The following ARHGAP20 variants were observed in gnomAD, a reference collection of about 807,000 sequenced individuals.
ARHGAP20 encodes rho GTPase-activating protein 20.
ARHGAP20 carries 34 observed loss-of-function variants against 73.7 expected under a neutral mutation model. The ratio of observed to expected loss-of-function variants is 0.46; its 90% CI spans 0.35 to 0.61. The LOEUF (loss-of-function observed/expected upper bound fraction) is 0.61, where lower values mean the gene tolerates loss of function less well. ARHGAP20 is among the 20% of genes least tolerant of loss of function. The pLI is 0.00. For missense variants in ARHGAP20, 1,314 were observed against 1,420.9 expected, an observed-to-expected ratio of 0.92 and a Z score of 1.21; for synonymous variants, 523 against 518.2, an observed-to-expected ratio of 1.01 and a Z score of -0.13.
At chr11:110,632,272 C>T (rs116897171) in intron 2 of ARHGAP20, among the ~76,000 whole-genome samples, 130 of 152,254 alleles carry the variant, frequency 8.5e-4, no homozygotes, top group Non-Finnish European at 1.6e-3. Flanking sequence ...TTTTCCATAA[C>T]GATGGTACCA....
rs745867511 is a variant in ARHGAP20 at position 110,582,344 on chromosome 11, C to T, written c.1697G>A (p.Cys566Tyr). ...TSLFREVSVRCDTRENASDIS... is the reference protein window; with the variant it reads ...TSLFREVSVRYDTRENASDIS... ...ACCTGAGGCATTCTCTCTAGTGTCA[C>T]ATCTCACTGAAACCTCTCTGAAGAG... Residue 566 changes from cysteine (C) to tyrosine (Y), a missense_variant, in exon 14 of 15, where the codon TGT becomes TAT. By Grantham distance (194) the Cys-to-Tyr change is radical (BLOSUM62 -2). Transcript: ENST00000683387. The T allele has an allele frequency of 1.2e-6, 2 of 1,611,948 alleles. No homozygotes were observed. The highest frequency in any genetic ancestry group is 1.7e-5 in the Admixed American group (1 of 59,990).
rs1211236164 is a variant in ARHGAP20 at position 110,712,109 on chromosome 11, C to G, written c.105+18G>C. On this transcript the variant is annotated intron_variant, in intron 1 of 14. Coordinates refer to ENST00000683387, the MANE Select transcript of ARHGAP20 (RefSeq NM_001384657.1). ...GCTGCGGCGGCGGAGGGCACGGGCC[C>G]CCGCTCAGCGTCCTCACCTTCTTGG... 2.3e-6 allele frequency: 3 copies of G among 1,308,614 alleles called. No homozygotes were observed. In the South Asian group the frequency reaches 8.3e-5, roughly 36 times the overall value. 81.1% of individuals were successfully genotyped at this position (1,308,614 alleles called of 1,614,324 possible).
At chr11:110,709,456 A>T (rs1950607131) in intron 1 of ARHGAP20, among the ~76,000 whole-genome samples, 1 of 152,238 alleles carries the variant, frequency 6.6e-6, no homozygotes, top group African/African-American at 2.4e-5. Flanking sequence ...ATAACAAGCA[A>T]GTAAATAAGA....
intron 6 of ARHGAP20, among the ~76,000 whole-genome samples, 185 bp downstream of exon 6, chr11:110,614,376 A>G (rs1726933105): frequency 6.6e-6 from 1 of 152,140 alleles, no homozygotes; most frequent in Non-Finnish European, 1.5e-5. Flanking sequence ...TTTATTTTTC[A>G]TATATATGAA....
chr11:110,660,064 A>AAAACAAAAAC (rs1555097587), intron 2 of ARHGAP20, among the ~76,000 whole-genome samples: 3 of 128,826 alleles, frequency 2.3e-5, no homozygotes, highest in African/African-American at 1.1e-4. Context: ...TAAAAAACAA[A>AAAACAAAAAC]AAAAAAAAAA....
intron 2 of ARHGAP20, among the ~76,000 whole-genome samples, chr11:110,633,618 T>C (rs977514642): frequency 1.3e-5 from 2 of 152,220 alleles, no homozygotes; most frequent in Non-Finnish European, 2.9e-5. Context: ...TCTTTTCCTG[T>C]GCTAGCTTAG....
At position 110,581,127 on chromosome 11, in the gene ARHGAP20, G is replaced by A. The variant is rs1382188946; in HGVS notation, c.1819C>T (p.Leu607Phe). ...DAPCSDLVKKLGQGSRSMDSV... is the reference protein window; with the variant it reads ...DAPCSDLVKKFGQGSRSMDSV... Reference sequence around the variant, plus strand: ...TCCATGCTTCTGCTCCCCTGGCCAAGTTTCTTTACCAAGTCACTGCATGGT... The same window carrying A: ...TCCATGCTTCTGCTCCCCTGGCCAAATTTCTTTACCAAGTCACTGCATGGT... The change falls in exon 15 of 15, where the codon CTT becomes TTT. Residue 607 changes from leucine to phenylalanine, a missense_variant. Leu to Phe is a conservative substitution (Grantham distance 22). Coordinates refer to ENST00000683387, the MANE Select transcript of ARHGAP20 (RefSeq NM_001384657.1). The A allele has an allele frequency of 1.2e-6, 2 of 1,614,172 alleles. No homozygotes were observed.
In ARHGAP20 at chr11:110,688,073, TATAAAG is replaced by T. The variant is rs555524039; in HGVS notation, c.188+2468_188+2473del. On this transcript the variant is annotated intron_variant, in intron 2 of 14. Coordinates refer to ENST00000683387, the MANE Select transcript of ARHGAP20 (RefSeq NM_001384657.1). The stretch of plus-strand genomic sequence containing the variant: ...AATAGGTTACAGGCATAGATAATTA[TATAAAG>T]ATATTTTCCCCCTTCGTGCATATGT... Among the ~76,000 whole-genome samples the T allele has an allele frequency of 1.4e-3, 217 of 152,330 alleles. 1 individual carries two copies. Among genetic ancestry groups the T allele is most frequent in the African/African-American group, 5.0e-3 (206 of 41,570 alleles).
chr11:110,668,896 T>C (rs1318158851), intron 2 of ARHGAP20, among the ~76,000 whole-genome samples: 1 of 152,140 alleles, frequency 6.6e-6, no homozygotes, highest in Non-Finnish European at 1.5e-5. Flanking sequence ...TCAAAAATGA[T>C]GCTGGAACAA....
chr11:110,660,339 C>G (rs1480495977), intron 2 of ARHGAP20, among the ~76,000 whole-genome samples: 1 of 152,044 alleles, frequency 6.6e-6, no homozygotes, highest in South Asian at 2.1e-4. Flanking sequence ...AAGGGTGAGT[C>G]AAGAGACCAG....
chr11:110,662,346 ATAAAAT>A (rs1282156564), intron 2 of ARHGAP20, among the ~76,000 whole-genome samples: 2 of 151,964 alleles, frequency 1.3e-5, no homozygotes, highest in East Asian at 1.9e-4. Context: ...ACTATAAAAA[ATAAAAT>A]TAAAACAAAT....
rs1947334021 is a variant in ARHGAP20, at chr11:110,578,016, T to C, written c.*1354A>G. The C allele has an allele frequency of 1.1e-5, 11 of 985,264 alleles. No individual in the cohort carries two copies. In the South Asian group the frequency reaches 4.2e-4, roughly 38 times the overall value. The allele number at this position is 985,264 out of a possible 1,614,324, so 61.0% of individuals were successfully genotyped here. On this transcript the variant is annotated 3_prime_UTR_variant, in exon 15 of 15. Coordinates refer to ENST00000683387, the MANE Select transcript of ARHGAP20 (RefSeq NM_001384657.1). ...TAAATGGGCTCAGAGCAACTTCTTA[T>C]AGGTTAGTAGTTAATGTGAAAGAAG... is the stretch of plus-strand genomic sequence containing the variant.
chr11:110,591,466 C>T (rs1001042089), intron 10 of ARHGAP20, among the ~76,000 whole-genome samples: 1 of 152,194 alleles, frequency 6.6e-6, no homozygotes, highest in Non-Finnish European at 1.5e-5. Flanking sequence ...AGACTCAATA[C>T]TGCTTAGCAG....
intron 1 of ARHGAP20, among the ~76,000 whole-genome samples, chr11:110,703,061 T>C (rs970672314): frequency 6.6e-6 from 1 of 152,138 alleles, no homozygotes; most frequent in Non-Finnish European, 1.5e-5. Flanking sequence ...TTCTGGGTCA[T>C]GCTATCACAG....
At chr11:110,616,231 C>A (rs957898968) in intron 4 of ARHGAP20, among the ~76,000 whole-genome samples, 1 of 151,736 alleles carries the variant, frequency 6.6e-6, no homozygotes, top group Non-Finnish European at 1.5e-5. Context: ...AAACTATAAC[C>A]TTCTAAGATC....
At chr11:110,597,295 A>T (rs566950578) in intron 9 of ARHGAP20, among the ~76,000 whole-genome samples, 9 of 74,750 alleles carry the variant, frequency 1.2e-4, no homozygotes, top group African/African-American at 1.6e-4. Flanking sequence ...TAATAAAATT[A>T]AAAAAAAAAA....
rs1236828510 is a variant in ARHGAP20, at chr11:110,579,340, G to T, written c.*30C>A. On this transcript the variant is annotated 3_prime_UTR_variant, in exon 15 of 15. Coordinates refer to ENST00000683387, the MANE Select transcript of ARHGAP20 (RefSeq NM_001384657.1). ...GTCTATTATTATTAACCCAGTTCCT[G>T]TTCTTGTGGACATCAGATTCTTACT... 5 of 1,549,430 alleles carry T rather than the reference G, an allele frequency of 3.2e-6. No individual in the cohort carries two copies. The highest frequency in any genetic ancestry group is 4.4e-6 in the Non-Finnish European group (5 of 1,144,102).
chr11:110,656,880 G>C (rs570837282), intron 2 of ARHGAP20, among the ~76,000 whole-genome samples: 3 of 152,258 alleles, frequency 2.0e-5, no homozygotes, highest in African/African-American at 7.2e-5. Context: ...CCCATACTTG[G>C]TGCCTTTAAG....
chr11:110,647,375 A>G lies in ARHGAP20; in HGVS notation c.189-16583T>C, dbSNP rs372018492. ...TTTGAATTTGGTAAAAGGAGAAACT[A>G]GCTGAGGGAAAGAGCTGTCAGTAAA... On this transcript the variant is annotated intron_variant, in intron 2 of 14. Coordinates refer to ENST00000683387, the MANE Select transcript of ARHGAP20 (RefSeq NM_001384657.1). Among the ~76,000 whole-genome samples the G allele has an allele frequency of 1.3e-4, 20 of 152,232 alleles. 1 individual carries two copies. The highest frequency in any genetic ancestry group is 4.8e-4 in the African/African-American group (20 of 41,566).
Sources: allele counts gnomAD v4.1 joint callset (sites outside exome capture counted in the v4.1 genomes callset), GRCh38; gene constraint gnomAD v4.1.1; transcripts MANE v1.5; gene names NCBI Gene and HGNC (gene_info 2026-07-23, HGNC 2026-07-21).